Variants in FHIT observed in about 807,000 individuals in gnomAD.
FHIT encodes the protein bis(5'-adenosyl)-triphosphatase.
Under a neutral mutation model 17.9 loss-of-function variants are expected in FHIT, and 19 were observed. That is an observed-to-expected ratio of 1.06 (90% CI 0.74 to 1.56). The LOEUF (loss-of-function observed/expected upper bound fraction) is 1.56, where lower values mean the gene tolerates loss of function less well. FHIT is among the 40% of genes most tolerant of loss of function. The pLI is 0.00. For missense variants in FHIT, 248 were observed against 189.2 expected, an observed-to-expected ratio of 1.31 and a Z score of -1.82; for synonymous variants, 81 against 69.7, an observed-to-expected ratio of 1.16 and a Z score of -0.81.
chr3:60,418,376 GTATATATATATATATATATATATA>G lies in FHIT; in HGVS notation c.103+118460_103+118483del, dbSNP rs869203310. On this transcript the variant is annotated intron_variant, in intron 5 of 9. Coordinates refer to ENST00000492590, the MANE Select transcript of FHIT (RefSeq NM_002012.4). Reference sequence around the variant, plus strand: ...CCTATATATATGTATCTGAATGTGTGTATATATATATATATATATATATATATATATATATATATATATATATAT... The same window carrying G: ...CCTATATATATGTATCTGAATGTGTGTATATATATATATATATATATATAT... Among the ~76,000 whole-genome samples, 8 of 14,918 alleles carry G rather than the reference GTATATATATATATATATATATATA, an allele frequency of 5.4e-4. 1 individual carries two copies. The highest frequency in any genetic ancestry group is 1.7e-3 in the African/African-American group (8 of 4,808). The allele number at this position is 14,918 out of a possible 152,430, so 9.8% of individuals were successfully genotyped here. A position where few individuals can be genotyped will look rare whatever the true frequency, so the allele number is the denominator to read the frequency against.
At chr3:60,527,258 T>G (rs990289602) in intron 5 of FHIT, among the ~76,000 whole-genome samples, 2 of 152,196 alleles carry the variant, frequency 1.3e-5, no homozygotes, top group African/African-American at 4.8e-5. Flanking sequence ...CCTCTGCATG[T>G]GAAACACTCT....
chr3:60,298,079 C>T (rs1003820038), intron 5 of FHIT, among the ~76,000 whole-genome samples: 8 of 152,008 alleles, frequency 5.3e-5, no homozygotes, highest in African/African-American at 1.9e-4. Context: ...GAGTGTAGAC[C>T]TTCCCTCTCT....
chr3:60,610,830 G>A (rs782098527), intron 4 of FHIT, among the ~76,000 whole-genome samples: 1 of 152,282 alleles, frequency 6.6e-6, no homozygotes, highest in South Asian at 2.1e-4. Context: ...ACGCCAGTCT[G>A]GAGAGCTTTG....
chr3:61,159,060 T>A (rs1402745223), intron 2 of FHIT, among the ~76,000 whole-genome samples: 1 of 152,200 alleles, frequency 6.6e-6, no homozygotes, highest in Non-Finnish European at 1.5e-5. Context: ...GGGGAAAAAA[T>A]AGCTTATTCT....
At chr3:60,048,562 GA>G (rs1169788069) in intron 5 of FHIT, among the ~76,000 whole-genome samples, 55 of 152,136 alleles carry the variant, frequency 3.6e-4, no homozygotes, top group Admixed American at 3.5e-3. Flanking sequence ...AATTTTTGGG[GA>G]AACCACAACG....
chr3:59,767,053 C>T (rs971399880), intron 8 of FHIT, among the ~76,000 whole-genome samples: 49 of 152,248 alleles, frequency 3.2e-4, no homozygotes, highest in African/African-American at 1.1e-3. Flanking sequence ...AAAACAACCC[C>T]GATTAACTGT....
rs1705503757 is a variant in FHIT, at chr3:59,923,296, A to G, written c.280-882T>C. ...ACTATGATCTCCACTTTACAGAAGA[A>G]GATATCAATGTTCGGTGAGGACAGG... On this transcript the variant is annotated intron_variant, in intron 7 of 9. Transcript: ENST00000492590. Among the ~76,000 whole-genome samples the G allele has an allele frequency of 4.6e-5, 7 of 151,642 alleles. No homozygotes were observed. The South Asian group carries it at 1.0e-3, about 23-fold the overall frequency.
chr3:59,922,449 A>T, intron 7 of FHIT, 35 bp from the exon 8 acceptor site: 1 of 1,554,866 alleles, frequency 6.4e-7, no homozygotes, highest in Non-Finnish European at 8.9e-7. Context: ...AAATGTGATT[A>T]TCTCCCCATG....
rs566843914 is a variant in FHIT at position 60,276,848 on chromosome 3, A to T, written c.103+260012T>A. On this transcript the variant is annotated intron_variant, in intron 5 of 9. Transcript: ENST00000492590. ...AGTAGAGGAAGTCCCAGCCTCTTTTAAACAGCCAGATCTCATGTGAACTCA... is the reference window on the plus strand; with the variant it reads ...AGTAGAGGAAGTCCCAGCCTCTTTTTAACAGCCAGATCTCATGTGAACTCA... Among the ~76,000 whole-genome samples, 129 of 152,218 alleles carry T rather than the reference A, an allele frequency of 8.5e-4. 2 individuals carry two copies. The South Asian group carries it at 0.026, about 30-fold the overall frequency.
chr3:61,097,078 CAAAA>C (rs4020380), intron 2 of FHIT, among the ~76,000 whole-genome samples: 18 of 99,738 alleles, frequency 1.8e-4, no homozygotes, highest in Non-Finnish European at 1.4e-4. Flanking sequence ...GACTCAATCT[CAAAA>C]AAAAAAAAAA....
chr3:60,116,561 G>A lies in FHIT; in HGVS notation c.104-102409C>T, dbSNP rs534590560. On this transcript the variant is annotated intron_variant, in intron 5 of 9. Coordinates refer to ENST00000492590, the MANE Select transcript of FHIT (RefSeq NM_002012.4). Reference sequence around the variant, plus strand: ...TTTACAGCCCATCATGAACAATTCTGAAAAAGAATCCCCTCATTCATTACA... The same window carrying A: ...TTTACAGCCCATCATGAACAATTCTAAAAAAGAATCCCCTCATTCATTACA... Among the ~76,000 whole-genome samples the A allele has an allele frequency of 1.1e-4, 17 of 152,196 alleles. No individual in the cohort carries two copies. In the East Asian group the frequency reaches 3.1e-3, roughly 28 times the overall value.
intron 5 of FHIT, among the ~76,000 whole-genome samples, chr3:60,027,417 A>G (rs1181221845): frequency 6.6e-6 from 1 of 152,158 alleles, no homozygotes; most frequent in African/African-American, 2.4e-5. Flanking sequence ...GACAACCAAC[A>G]GTCTTCTGTC....
At chr3:60,261,137 A>C (rs577411257) in intron 5 of FHIT, among the ~76,000 whole-genome samples, 1 of 152,172 alleles carries the variant, frequency 6.6e-6, no homozygotes, top group Admixed American at 6.6e-5. Flanking sequence ...ACTTTTTGGA[A>C]TACAAAAGTA....
At chr3:60,044,079 T>C (rs61350882) in intron 5 of FHIT, among the ~76,000 whole-genome samples, 5,189 of 152,298 alleles carry the variant, frequency 0.034, 325 homozygotes, top group African/African-American at 0.12. Flanking sequence ...AATTGATTTT[T>C]TGCCTTTGAC....
chr3:60,499,173 ATGG>A (rs1233858378), intron 5 of FHIT, among the ~76,000 whole-genome samples: 1 of 152,096 alleles, frequency 6.6e-6, no homozygotes, highest in African/African-American at 2.4e-5. Context: ...GGGCTGGGGG[ATGG>A]TGAATATAGC....
At chr3:60,070,707 G>A (rs902565825) in intron 5 of FHIT, among the ~76,000 whole-genome samples, 1 of 152,190 alleles carries the variant, frequency 6.6e-6, no homozygotes, top group Non-Finnish European at 1.5e-5. Context: ...GCGAGGCAGG[G>A]TGCCTCTGTT....
chr3:59,872,643 G>T (rs181944369), intron 8 of FHIT, among the ~76,000 whole-genome samples: 1 of 152,286 alleles, frequency 6.6e-6, no homozygotes, highest in Admixed American at 6.5e-5. Flanking sequence ...TTTAAAAAAA[G>T]AACTCTGAAG....
At chr3:59,854,375 G>C (rs904343830) in intron 8 of FHIT, among the ~76,000 whole-genome samples, 1 of 152,048 alleles carries the variant, frequency 6.6e-6, no homozygotes, top group African/African-American at 2.4e-5. Flanking sequence ...TGCTTACGTC[G>C]CATGTGCAAA....
At chr3:60,684,319 C>A (rs1553697784) in intron 4 of FHIT, among the ~76,000 whole-genome samples, 1 of 152,064 alleles carries the variant, frequency 6.6e-6, no homozygotes, top group Non-Finnish European at 1.5e-5. Flanking sequence ...ATCATATCTG[C>A]AAGGACCATT....
Sources: gnomAD v4.1 joint callset for allele counts (sites outside exome capture counted in the v4.1 genomes callset) on GRCh38, gnomAD v4.1.1 for gene constraint, MANE v1.5 for transcripts, NCBI Gene and HGNC (gene_info 2026-07-23, HGNC 2026-07-21) for gene names.